The following CST5 variants were observed in gnomAD, a reference collection of about 807,000 sequenced individuals.
CST5 encodes the protein cystatin D.
A neutral mutation model predicts 11.5 loss-of-function variants in CST5; 13 were observed. That is an observed-to-expected ratio of 1.13 (90% confidence interval 0.73 to 1.79). The LOEUF (loss-of-function observed/expected upper bound fraction) is 1.79, where lower values mean the gene tolerates loss of function less well. Ranked by LOEUF, CST5 falls within the 40% of genes most tolerant of loss-of-function variation. The pLI is 0.00. For missense variants in CST5, 219 were observed against 174.5 expected (o/e 1.25, Z -1.44); for synonymous variants, 81 against 67.6 (o/e 1.20, Z -0.97).
Position 23,879,611 on chromosome 20 carries a change from A to G in CST5, c.66T>C (p.Ser22=), listed in dbSNP as rs749188677. The G allele has an allele frequency of 3.7e-6, 6 of 1,613,832 alleles. No homozygotes were observed. Among genetic ancestry groups the G allele is most frequent in the Non-Finnish European group, 5.1e-6 (6 of 1,179,972 alleles). Residue 22 remains serine (S), a synonymous_variant, in exon 1 of 3, where the codon AGT becomes AGC. Coordinates refer to ENST00000304710, the MANE Select transcript of CST5 (RefSeq NM_001900.5). ...CCAAGGTCCTAGATTGGGCCGAGGC[A>G]CTCCCGGCCACGGCCACCATCAAGG... is the stretch of plus-strand genomic sequence containing the variant. The part of the protein sequence containing the change: ...LTALMVAVAG[S]ASAQSRTLAG...
chr20:23,877,345 A>G (rs2071445), intron 2 of CST5, among the ~76,000 whole-genome samples, 160 bp downstream of exon 2: 56,694 of 152,064 alleles, frequency 0.37, 10,714 homozygotes, highest in East Asian at 0.48. Context: ...GCACATGAAT[A>G]CATCCTTGCA....
chr20:23,877,436 C>T (rs1053449614), intron 2 of CST5, 69 bp downstream of exon 2: 10 of 1,198,586 alleles, frequency 8.3e-6, no homozygotes, highest in East Asian at 2.3e-5. Flanking sequence ...TGCACACACA[C>T]ATACACACAC....
In CST5 at chr20:23,879,493, C is replaced by T. The variant is rs1257216384; in HGVS notation, c.184G>A (p.Asp62Asn). The stretch of plus-strand genomic sequence containing the variant: ...TGCAGAGGGCGGCTGTAGTACTCAT[C>T]CTTATTAATGACCTTGTTGTACTCG... ...ISEYNKVINK[D>N]EYYSRPLQVM... The change falls in exon 1 of 3, where the codon GAT (aspartate) becomes AAT (asparagine). Residue 62 changes from aspartate to asparagine, a missense_variant. Transcript: ENST00000304710. 3 of 1,614,054 alleles carry T rather than the reference C, an allele frequency of 1.9e-6. No individual in the cohort carries two copies. The highest frequency in any genetic ancestry group is 1.1e-5 in the South Asian group (1 of 91,082).
rs933294870 is a variant in CST5 at position 23,876,089 on chromosome 20, G to A, written c.*99C>T. On this transcript the variant is annotated 3_prime_UTR_variant, in exon 3 of 3. Coordinates refer to ENST00000304710, the MANE Select transcript of CST5 (RefSeq NM_001900.5). The stretch of plus-strand genomic sequence containing the variant: ...TCTGTCTCCTGGTGCAGGCGCATGA[G>A]GAGACCTCCCCCAGGGTGGGGGCCA... 15 of 902,948 alleles carry A rather than the reference G, an allele frequency of 1.7e-5. No homozygotes were observed. The African/African-American group carries it at 2.3e-4, about 14-fold the overall frequency. The allele number at this position is 902,948 out of a possible 1,614,324, so 55.9% of individuals were successfully genotyped here.
intron 1 of CST5, 61 bp downstream of exon 1, chr20:23,879,385 G>T (rs1030745459): frequency 1.6e-6 from 2 of 1,234,954 alleles, no homozygotes; most frequent in Admixed American, 1.7e-5. Context: ...GGAGTGCTCT[G>T]GGGGGTGAGG....
chr20:23,876,345 C>A, intron 2 of CST5, 74 bp from the exon 3 acceptor site: 1 of 1,215,178 alleles, frequency 8.2e-7, no homozygotes. Context: ...AATGGGACAT[C>A]AGAATGGGGG....
intron 2 of CST5, among the ~76,000 whole-genome samples, chr20:23,876,697 G>A (rs1985969324): frequency 1.3e-5 from 2 of 152,218 alleles, no homozygotes; most frequent in Admixed American, 1.3e-4. Context: ...TGCCCGAGGT[G>A]GTGAGGAGAT....
chr20:23,877,384 T>A, intron 2 of CST5, 121 bp downstream of exon 2: 1 of 752,334 alleles, frequency 1.3e-6, no homozygotes, highest in Non-Finnish European at 2.3e-6. Flanking sequence ...TCTGCACACA[T>A]GCACACATGC....
intron 1 of CST5, among the ~76,000 whole-genome samples, chr20:23,878,616 G>C (rs911242383): frequency 6.6e-6 from 1 of 151,968 alleles, no homozygotes; most frequent in African/African-American, 2.4e-5. Context: ...AGGCCAGCAG[G>C]GACCACAGCA....
Position 23,877,518 on chromosome 20 carries a change from G to A in CST5, c.332C>T (p.Pro111Leu). The A allele has an allele frequency of 6.2e-7, 1 of 1,614,010 alleles. No individual in the cohort carries two copies. Among genetic ancestry groups the A allele is most frequent in the Non-Finnish European group, 8.5e-7 (1 of 1,179,914 alleles). ...TCAGGCACATACCTCTTTCAGTTTT[G>A]GCTGGTCATTGAAGGGACAGTTGTC... ...NLDNCPFNDQ[P>L]KLKEEEFCSF... Residue 111 changes from proline (P) to leucine (L), a missense_variant, in exon 2 of 3, where the codon CCA becomes CTA. Physicochemically the swap from Pro to Leu is moderately conservative, Grantham distance 98. Coordinates refer to ENST00000304710, the MANE Select transcript of CST5 (RefSeq NM_001900.5).
intron 2 of CST5, 29 bp downstream of exon 2, chr20:23,877,476 G>A: frequency 2.6e-6 from 4 of 1,549,490 alleles, no homozygotes; most frequent in Non-Finnish European, 3.6e-6. Context: ...TGCGGTACTT[G>A]ATGCCCCTGA....
chr20:23,879,563 G>T lies in CST5; in HGVS notation c.114C>A (p.Asp38Glu), dbSNP rs764118057. 5 of 1,614,078 alleles carry T rather than the reference G, an allele frequency of 3.1e-6. No individual in the cohort carries two copies. The South Asian group carries it at 5.5e-5, about 18-fold the overall frequency. Residue 38 changes from aspartate (D) to glutamate (E), a missense_variant, in exon 1 of 3, where the codon GAC (aspartate) becomes GAA (glutamate). Transcript: ENST00000304710. Reference protein sequence around the residue: ...RTLAGGIHATDLNDKSVQCAL... With the variant: ...RTLAGGIHATELNDKSVQCAL... Reference sequence around the variant, plus strand: ...CACACTGCACACTCTTGTCATTGAGGTCTGTGGCATGGATGCCACCTGCCA... The same window carrying T: ...CACACTGCACACTCTTGTCATTGAGTTCTGTGGCATGGATGCCACCTGCCA...
At position 23,877,448 on chromosome 20, in the gene CST5, C is replaced by G; in HGVS notation, c.345+57G>C. On this transcript the variant is annotated intron_variant, in intron 2 of 2. Coordinates refer to ENST00000304710, the MANE Select transcript of CST5 (RefSeq NM_001900.5). ...GCGTGCACACACACATACACACACA[C>G]ACATGCACACACTGCTCTGCGGTAC... is the stretch of plus-strand genomic sequence containing the variant. The G allele has an allele frequency of 3.0e-6, 4 of 1,318,704 alleles. No homozygotes were observed. In the South Asian group the frequency reaches 4.8e-5, roughly 16 times the overall value. The allele number at this position is 1,318,704 out of a possible 1,614,324, so 81.7% of individuals were successfully genotyped here. A position where few individuals can be genotyped will look rare whatever the true frequency, so the allele number is the denominator to read the frequency against.
Position 23,879,717 on chromosome 20 carries a change from G to C in CST5, c.-41C>G. 4 of 1,582,698 alleles carry C rather than the reference G, an allele frequency of 2.5e-6. No individual in the cohort carries two copies. The highest frequency in any genetic ancestry group is 3.5e-6 in the Non-Finnish European group (4 of 1,157,328). On this transcript the variant is annotated 5_prime_UTR_variant, in exon 1 of 3. Coordinates refer to ENST00000304710, the MANE Select transcript of CST5 (RefSeq NM_001900.5). ...AGAGCAAGGAGCTGGATCTCCCAGA[G>C]AGCAAAGCAGCAGAAGGCTGAGGCA...
Position 23,879,702 on chromosome 20 carries a change from G to C in CST5, c.-26C>G. ...GTTCTACTGGGACACAGAGCAAGGA[G>C]CTGGATCTCCCAGAGAGCAAAGCAG... On this transcript the variant is annotated 5_prime_UTR_variant, in exon 1 of 3. Coordinates refer to ENST00000304710, the MANE Select transcript of CST5 (RefSeq NM_001900.5). 3 of 1,599,688 alleles carry C rather than the reference G, an allele frequency of 1.9e-6. No individual in the cohort carries two copies. The highest frequency in any genetic ancestry group is 2.6e-6 in the Non-Finnish European group (3 of 1,169,232).
Position 23,876,203 on chromosome 20 carries a change from C to T in CST5, c.414G>A (p.Lys138=), listed in dbSNP as rs759724794. 1 of 1,613,692 alleles carries T rather than the reference C, an allele frequency of 6.2e-7. No individual in the cohort carries two copies. The highest frequency in any genetic ancestry group is 8.5e-7 in the Non-Finnish European group (1 of 1,179,626). The part of the protein sequence containing the change: ...WEDKISILNY[K]CRKV ...GCACAGACCCCTAGACTTTCCGGCA[C>T]TTGTAGTTCAGAATGGAAATTTTAT... The change falls in exon 3 of 3, where the codon AAG becomes AAA. Residue 138 remains lysine, a synonymous_variant. Coordinates refer to ENST00000304710, the MANE Select transcript of CST5 (RefSeq NM_001900.5).
Position 23,879,526 on chromosome 20 carries a change from CAA to C in CST5, c.149_150del (p.Phe50CysfsTer10). ...NDKSVQCALDFAISEYNKVIN... is the reference protein window; with the variant it reads ...NDKSVQCALDXAISEYNKVIN... ...ATGACCTTGTTGTACTCGCTGATGG[CAA>C]AGTCCAGGGCACACTGCACACTCTT... On this transcript the variant is annotated frameshift_variant, in exon 1 of 3. Transcript: ENST00000304710. LOFTEE classifies it high-confidence loss of function. 6.2e-7 allele frequency: 1 copy of C among 1,614,062 alleles called. No individual in the cohort carries two copies. Among genetic ancestry groups the C allele is most frequent in the South Asian group, 1.1e-5 (1 of 91,080 alleles).
At chr20:23,878,127 C>T (rs546773059) in intron 1 of CST5, among the ~76,000 whole-genome samples, 72 of 152,332 alleles carry the variant, frequency 4.7e-4, no homozygotes, top group African/African-American at 1.7e-3. Flanking sequence ...AGCTAACTTC[C>T]AGCTCCTGGC....
At chr20:23,877,375 C>A (rs1985985261) in intron 2 of CST5, 130 bp downstream of exon 2, 1 of 698,228 alleles carries the variant, frequency 1.4e-6, no homozygotes, top group East Asian at 2.6e-5. Context: ...CCACAAATAT[C>A]TGCACACATG....
Sources: gnomAD v4.1 joint callset for allele counts (sites outside exome capture counted in the v4.1 genomes callset) on GRCh38, gnomAD v4.1.1 for gene constraint, MANE v1.5 for transcripts, NCBI Gene and HGNC (gene_info 2026-07-23, HGNC 2026-07-21) for gene names.